The following F7 variants were observed in gnomAD, a reference collection of about 807,000 sequenced individuals.
F7 encodes FVII coagulation protein.
Under a neutral mutation model 47.5 loss-of-function variants are expected in F7, and 38 were observed. The ratio of observed to expected loss-of-function variants is 0.80; its 90% confidence interval spans 0.62 to 1.05. The LOEUF is 1.05. F7 is among the 50% of genes least tolerant of loss of function. F7 has a pLI of 0.00. For missense variants in F7, 575 were observed against 605.4 expected, an observed-to-expected ratio of 0.95 and a Z score of 0.53; for synonymous variants, 244 against 258.5, an observed-to-expected ratio of 0.94 and a Z score of 0.54.
intron 1 of F7, among the ~76,000 whole-genome samples, chr13:113,108,925 A>G (rs1256170182): frequency 8.5e-5 from 2 of 23,506 alleles, no homozygotes; most frequent in Non-Finnish European, 1.7e-4. Context: ...GTGTCCCGGG[A>G]GCGTGGGTGT....
At chr13:113,116,738 G>A (rs2036198752) in intron 5 of F7, 28 bp from the exon 6 acceptor site, 1 of 1,508,172 alleles carries the variant, frequency 6.6e-7, no homozygotes, top group Admixed American at 1.7e-5. Context: ...ACAAATCTCT[G>A]CATCTTTCTG....
intron 1 of F7, among the ~76,000 whole-genome samples, chr13:113,109,388 C>T (rs1008761205): frequency 1.4e-4 from 22 of 152,204 alleles, no homozygotes; most frequent in African/African-American, 4.8e-4. Flanking sequence ...TCTTTGGTGT[C>T]CCCGCCTGCA....
chr13:113,112,473 G>A (rs1266838156), intron 2 of F7, among the ~76,000 whole-genome samples: 2 of 141,110 alleles, frequency 1.4e-5, no homozygotes, highest in African/African-American at 5.4e-5. Flanking sequence ...TCACACTCAG[G>A]GCACACTTCA....
At chr13:113,112,764 CAT>C (rs1039468122) in intron 2 of F7, among the ~76,000 whole-genome samples, 7 of 151,078 alleles carry the variant, frequency 4.6e-5, no homozygotes, top group African/African-American at 1.5e-4. Context: ...ACCTCACACT[CAT>C]AGGTCACCTC....
Position 113,119,550 on chromosome 13 carries a change from G to A in F7, c.*542G>A, listed in dbSNP as rs778584652. On this transcript the variant is annotated 3_prime_UTR_variant, in exon 8 of 8. Transcript: ENST00000346342. ...TCACACAGAGATACGCAAACACACC[G>A]ATGCACACGCACATAGAGATATGCA... 31 of 179,608 alleles carry A rather than the reference G, an allele frequency of 1.7e-4. No individual in the cohort carries two copies. The highest frequency in any genetic ancestry group is 3.1e-4 in the Non-Finnish European group (26 of 85,168). 11.1% of individuals were successfully genotyped at this position (179,608 alleles called of 1,614,324 possible). A position where few individuals can be genotyped will look rare whatever the true frequency, so the allele number is the denominator to read the frequency against.
At position 113,118,931 on chromosome 13, in the gene F7, C is replaced by T. The variant is rs1202665356; in HGVS notation, c.1258C>T (p.Gln420Ter). The change falls in exon 8 of 8, where the codon CAG (glutamine) becomes TAG (stop). Residue 420 changes from glutamine (Q) to a stop codon, truncating the protein, a stop_gained. Coordinates refer to ENST00000346342, the MANE Select transcript of F7 (RefSeq NM_019616.4). LOFTEE classifies it high-confidence loss of function. ...CTTTGGGGTGTACACCAGGGTCTCC[C>T]AGTACATCGAGTGGCTGCAAAAGCT... ...GHFGVYTRVS[Q>*]YIEWLQKLMR... is the part of the protein sequence containing the mutation. The T allele has an allele frequency of 6.2e-7, 1 of 1,610,992 alleles. No homozygotes were observed. The highest frequency in any genetic ancestry group is 8.5e-7 in the Non-Finnish European group (1 of 1,179,964).
At chr13:113,105,941 G>A (rs925114401) in intron 1 of F7, 36 bp downstream of exon 1, 1 of 1,549,936 alleles carries the variant, frequency 6.5e-7, no homozygotes, top group African/African-American at 1.4e-5. Flanking sequence ...AAACTTGGTG[G>A]AAGGGCAGTG....
At chr13:113,115,572 A>T in intron 4 of F7, 88 bp from the exon 5 acceptor site, 1 of 1,464,492 alleles carries the variant, frequency 6.8e-7, no homozygotes, top group Non-Finnish European at 9.4e-7. Context: ...GCAGAACACC[A>T]CTGCTGACCC....
chr13:113,105,959 C>T, intron 1 of F7, 54 bp downstream of exon 1: 1 of 1,500,720 alleles, frequency 6.7e-7, no homozygotes, highest in Non-Finnish European at 9.0e-7. Flanking sequence ...GTGGGCAAAT[C>T]CAGGAGCCAG....
intron 2 of F7, among the ~76,000 whole-genome samples, chr13:113,111,948 A>ACACCTCACAGAGGT (rs1202973344): frequency 3.5e-5 from 5 of 144,922 alleles, no homozygotes; most frequent in Non-Finnish European, 7.5e-5. Context: ...CACCCACAGG[A>ACACCTCACAGAGGT]CACCTCACAG....
intron 6 of F7, among the ~76,000 whole-genome samples, 156 bp from the exon 7 acceptor site, chr13:113,117,317 T>C (rs1008519829): frequency 1.3e-5 from 2 of 152,228 alleles, no homozygotes; most frequent in African/African-American, 4.8e-5. Flanking sequence ...CAGAGCCAGG[T>C]CTGAGCAGCT....
intron 1 of F7, among the ~76,000 whole-genome samples, chr13:113,107,198 A>G (rs2035977608): frequency 6.6e-6 from 1 of 151,764 alleles, no homozygotes; most frequent in Admixed American, 6.6e-5. Flanking sequence ...ATCTGCTTTC[A>G]CCCCAGGGCG....
intron 1 of F7, among the ~76,000 whole-genome samples, chr13:113,109,127 GGGGCGTGGGTGTCCC>G (rs2036037223): frequency 9.6e-6 from 1 of 103,974 alleles, no homozygotes; most frequent in African/African-American, 3.1e-5. Context: ...GGGTGTCCCG[GGGGCGTGGGTGTCCC>G]GGGAGTGTGG....
chr13:113,105,939 T>C, intron 1 of F7, 34 bp downstream of exon 1: 1 of 1,554,882 alleles, frequency 6.4e-7, no homozygotes, highest in Non-Finnish European at 8.7e-7. Flanking sequence ...ATAAACTTGG[T>C]GGAAGGGCAG....
At chr13:113,105,987 C>A in intron 1 of F7, 82 bp downstream of exon 1, 1 of 1,303,294 alleles carries the variant, frequency 7.7e-7, no homozygotes, top group Non-Finnish European at 1.1e-6. Context: ...TTCCCAAACC[C>A]CGCCCTTGCT....
intron 5 of F7, among the ~76,000 whole-genome samples, chr13:113,116,311 C>G (rs1397994059): frequency 6.6e-6 from 1 of 152,246 alleles, no homozygotes; most frequent in Admixed American, 6.5e-5. Flanking sequence ...CAGCCTGGGA[C>G]TCAGCCTGCC....
At chr13:113,117,155 G>A (rs2142228295) in intron 6 of F7, 1 of 606,204 alleles carries the variant, frequency 1.6e-6, no homozygotes, top group Admixed American at 2.8e-5. Flanking sequence ...ACTCTTTGAG[G>A]TGGGATCTTT....
chr13:113,107,824 C>T (rs376939919), intron 1 of F7, among the ~76,000 whole-genome samples: 1 of 4,794 alleles, frequency 2.1e-4, no homozygotes, highest in Non-Finnish European at 3.6e-4. Flanking sequence ...CGGGAGTGTG[C>T]GTGTCCCGGG....
In F7 at chr13:113,105,829, C is replaced by A. The variant is rs2035942207; in HGVS notation, c.-13C>A. The stretch of plus-strand genomic sequence containing the variant: ...ATGTCAACAGGCAGGGGCAGCACTG[C>A]AGAGATTTCATCATGGTCTCCCAGG... On this transcript the variant is annotated 5_prime_UTR_variant, in exon 1 of 8. It introduces an in-frame stop codon into an upstream open reading frame of the 5' UTR. Transcript: ENST00000346342. 6.3e-7 allele frequency: 1 copy of A among 1,581,396 alleles called. No individual in the cohort carries two copies. Among genetic ancestry groups the A allele is most frequent in the Non-Finnish European group, 8.6e-7 (1 of 1,163,960 alleles).
Sources: gnomAD v4.1 joint callset for allele counts (sites outside exome capture counted in the v4.1 genomes callset) on GRCh38, gnomAD v4.1.1 for gene constraint, MANE v1.5 for transcripts, NCBI Gene and HGNC (gene_info 2026-07-23, HGNC 2026-07-21) for gene names.